ZFYVE9: variants seen among roughly 807,000 people sequenced by gnomAD.
The protein encoded by ZFYVE9 is zinc finger FYVE domain-containing protein 9.
A neutral mutation model predicts 126.7 loss-of-function variants in ZFYVE9; 43 were observed. The ratio of observed to expected loss-of-function variants is 0.34; its 90% CI spans 0.27 to 0.44. The LOEUF is 0.44. ZFYVE9 is among the 20% of genes least tolerant of loss of function. The probability of loss-of-function intolerance (pLI) is 1.00; values close to 1 mark genes in which losing one functional copy is unlikely to be tolerated. For missense variants in ZFYVE9, 1,476 were observed against 1,697.0 expected (o/e 0.87, Z 2.29); for synonymous variants, 521 against 597.4 (o/e 0.87, Z 1.87).
At chr1:52,253,859 A>G (rs780190569) in intron 4 of ZFYVE9, 25 of 1,294,836 alleles carry the variant, frequency 1.9e-5, no homozygotes, top group Admixed American at 5.0e-5. Context: ...TTATATATTT[A>G]TGCAGACTAC....
intron 7 of ZFYVE9, 118 bp downstream of exon 7, chr1:52,268,750 G>T: frequency 8.3e-7 from 1 of 1,207,730 alleles, no homozygotes; most frequent in Non-Finnish European, 1.1e-6. Flanking sequence ...TAGTGTATAC[G>T]TGCACATATA....
chr1:52,300,341 C>T (rs1464613192), intron 12 of ZFYVE9, among the ~76,000 whole-genome samples: 2 of 152,142 alleles, frequency 1.3e-5, no homozygotes, highest in Non-Finnish European at 2.9e-5. Flanking sequence ...CCTGTAATCT[C>T]AGTACTTTGG....
intron 13 of ZFYVE9, among the ~76,000 whole-genome samples, chr1:52,318,732 G>A (rs566532173): frequency 5.3e-5 from 8 of 152,054 alleles, no homozygotes; most frequent in South Asian, 4.2e-4. Flanking sequence ...TAGCAAAGTC[G>A]TGAGATTATT....
At chr1:52,284,882 A>G (rs1172813624) in intron 10 of ZFYVE9, among the ~76,000 whole-genome samples, 1 of 152,192 alleles carries the variant, frequency 6.6e-6, no homozygotes, top group Admixed American at 6.5e-5. Flanking sequence ...TATTTTCTAT[A>G]ATGTAGGATA....
At chr1:52,279,394 A>G (rs1324396815) in intron 9 of ZFYVE9, among the ~76,000 whole-genome samples, 2 of 152,226 alleles carry the variant, frequency 1.3e-5, no homozygotes, top group Non-Finnish European at 2.9e-5. Flanking sequence ...ATACATCATA[A>G]ATTGAGATTC....
chr1:52,282,312 T>C (rs1411646411), intron 10 of ZFYVE9, among the ~76,000 whole-genome samples: 1 of 152,078 alleles, frequency 6.6e-6, no homozygotes, highest in Non-Finnish European at 1.5e-5. Flanking sequence ...GATATTAACA[T>C]AAAAAGAAAC....
intron 3 of ZFYVE9, among the ~76,000 whole-genome samples, chr1:52,234,073 G>A (rs568474483): frequency 1.3e-5 from 2 of 152,206 alleles, no homozygotes; most frequent in African/African-American, 4.8e-5. Flanking sequence ...GAGCCACCAC[G>A]CCTGGCCAAG....
chr1:52,147,950 C>CT (rs895498156), intron 1 of ZFYVE9, among the ~76,000 whole-genome samples: 58 of 147,440 alleles, frequency 3.9e-4, no homozygotes, highest in African/African-American at 4.7e-4. Flanking sequence ...CGGTTCATAA[C>CT]TTTTTTTTTT....
intron 1 of ZFYVE9, among the ~76,000 whole-genome samples, chr1:52,210,260 A>T (rs1350133935): frequency 6.6e-6 from 1 of 152,206 alleles, no homozygotes; most frequent in Non-Finnish European, 1.5e-5. Context: ...TGGAACATTA[A>T]TGAGTCAGAA....
At chr1:52,230,025 G>A (rs1008215582) in intron 2 of ZFYVE9, among the ~76,000 whole-genome samples, 18 of 152,146 alleles carry the variant, frequency 1.2e-4, no homozygotes, top group South Asian at 6.2e-4. Flanking sequence ...TTGCCACCAC[G>A]TCCAGCTAAT....
intron 2 of ZFYVE9, among the ~76,000 whole-genome samples, chr1:52,221,230 G>A (rs1317593567): frequency 1.3e-5 from 2 of 152,204 alleles, no homozygotes; most frequent in African/African-American, 2.4e-5. Context: ...CCCATCAACT[G>A]TGGAGTACCT....
At chr1:52,192,456 C>T (rs1644824440) in intron 1 of ZFYVE9, among the ~76,000 whole-genome samples, 1 of 152,188 alleles carries the variant, frequency 6.6e-6, no homozygotes, top group East Asian at 1.9e-4. Flanking sequence ...TTGGCTTATA[C>T]TGTCAGTTGC....
At chr1:52,296,232 A>G (rs1349192724) in intron 12 of ZFYVE9, among the ~76,000 whole-genome samples, 1 of 152,026 alleles carries the variant, frequency 6.6e-6, no homozygotes. Flanking sequence ...GTGAAATGGT[A>G]CAGGATTCCA....
In ZFYVE9 at chr1:52,239,305, A is replaced by G. The variant is rs1394437804; in HGVS notation, c.1888A>G (p.Asn630Asp). The change falls in exon 4 of 19, where the codon AAT becomes GAT. Residue 630 changes from asparagine (N) to aspartate (D), a missense_variant. Asn to Asp is a conservative substitution (Grantham distance 23, BLOSUM62 1). Transcript: ENST00000287727. ...AAAATTAGGGGAAAACTCAGCAACC[A>G]ATGTATGCAGTCCATCTTTGGGAAA... ...KAKLGENSATNVCSPSLGNIS... is the reference protein window; with the variant it reads ...KAKLGENSATDVCSPSLGNIS... 6.2e-7 allele frequency: 1 copy of G among 1,614,094 alleles called. No individual in the cohort carries two copies. The highest frequency in any genetic ancestry group is 8.5e-7 in the Non-Finnish European group (1 of 1,180,016).
intron 1 of ZFYVE9, among the ~76,000 whole-genome samples, chr1:52,198,110 G>GTTT (rs1329262004): frequency 0.018 from 729 of 39,886 alleles, 42 homozygotes; most frequent in African/African-American, 0.038. Flanking sequence ...ATATTGTAGT[G>GTTT]TTTTTTTTTG....
intron 1 of ZFYVE9, among the ~76,000 whole-genome samples, chr1:52,158,692 T>C (rs1644426339): frequency 6.6e-6 from 1 of 152,216 alleles, no homozygotes; most frequent in East Asian, 1.9e-4. Context: ...AGGACCTGTT[T>C]GTGAGCTACC....
chr1:52,319,560 G>C (rs2147857490), intron 13 of ZFYVE9, among the ~76,000 whole-genome samples: 1 of 151,708 alleles, frequency 6.6e-6, no homozygotes, highest in Middle Eastern at 3.4e-3. Flanking sequence ...GGAGGTGGAG[G>C]TTACAGTGAG....
chr1:52,204,450 C>T (rs1462600463), intron 1 of ZFYVE9, among the ~76,000 whole-genome samples: 1 of 151,914 alleles, frequency 6.6e-6, no homozygotes, highest in East Asian at 1.9e-4. Context: ...TGCTCTTAGG[C>T]TGGGGTGGCA....
chr1:52,224,606 A>G (rs1645152897), intron 2 of ZFYVE9, among the ~76,000 whole-genome samples: 2 of 152,218 alleles, frequency 1.3e-5, no homozygotes, highest in African/African-American at 4.8e-5. Context: ...TCTGGCCAAA[A>G]GACTGAAGGT....
Sources: allele counts gnomAD v4.1 joint callset (sites outside exome capture counted in the v4.1 genomes callset), GRCh38; gene constraint gnomAD v4.1.1; transcripts MANE v1.5; gene names NCBI Gene and HGNC (gene_info 2026-07-23, HGNC 2026-07-21).